Variants in PTPRT observed in about 807,000 individuals in gnomAD.
The protein encoded by PTPRT is protein tyrosine phosphatase receptor type T.
PTPRT carries 56 observed loss-of-function variants against 176.8 expected under a neutral mutation model. The observed-to-expected ratio is 0.32, with a 90% CI of 0.26 to 0.40. The LOEUF (loss-of-function observed/expected upper bound fraction) is 0.40, where lower values mean the gene tolerates loss of function less well. PTPRT is among the 10% of genes least tolerant of loss of function. PTPRT has a pLI of 1.00. For missense variants in PTPRT, 1,540 were observed against 1,908.2 expected, an observed-to-expected ratio of 0.81 and a Z score of 3.60; for synonymous variants, 783 against 739.0, an observed-to-expected ratio of 1.06 and a Z score of -0.96.
intron 9 of PTPRT, among the ~76,000 whole-genome samples, chr20:42,401,577 G>A (rs1298583807): frequency 6.6e-6 from 1 of 152,054 alleles, no homozygotes; most frequent in Middle Eastern, 3.2e-3. Context: ...AAGAACAAGT[G>A]AACAGAGAGC....
At chr20:42,628,358 CT>C (rs775823141) in intron 7 of PTPRT, among the ~76,000 whole-genome samples, 12 of 152,158 alleles carry the variant, frequency 7.9e-5, no homozygotes, top group Non-Finnish European at 1.6e-4. Context: ...CGCTATTGCT[CT>C]ATTCCACGTG....
the PTPRT span, among the ~76,000 whole-genome samples, chr20:42,039,620 C>A: frequency 6.8e-6 from 1 of 147,760 alleles, no homozygotes; most frequent in Non-Finnish European, 1.5e-5. Context: ...ACATAATGTC[C>A]TTCAGGTTCA....
intron 1 of PTPRT, among the ~76,000 whole-genome samples, chr20:42,936,083 C>T (rs900087453): frequency 1.3e-5 from 2 of 152,090 alleles, no homozygotes; most frequent in Non-Finnish European, 2.9e-5. Flanking sequence ...ACAAAACATA[C>T]AAAAATCCTT....
At position 42,926,333 on chromosome 20, in the gene PTPRT, G is replaced by A. The variant is rs142688800; in HGVS notation, c.89-40401C>T. On this transcript the variant is annotated intron_variant, in intron 1 of 30. Coordinates refer to ENST00000373187, the MANE Select transcript of PTPRT (RefSeq NM_007050.6). ...GATACTGCCCTCTCCCAGGTCACAGGCCCCAACAATGGGCTGCACTAGCTC... is the reference window on the plus strand; with the variant it reads ...GATACTGCCCTCTCCCAGGTCACAGACCCCAACAATGGGCTGCACTAGCTC... Among the ~76,000 whole-genome samples the A allele has an allele frequency of 2.5e-3, 385 of 152,272 alleles. 1 individual carries two copies. Among genetic ancestry groups the A allele is most frequent in the African/African-American group, 8.8e-3 (365 of 41,548 alleles).
At chr20:42,237,115 A>G (rs1163919860) in intron 14 of PTPRT, among the ~76,000 whole-genome samples, 1 of 152,178 alleles carries the variant, frequency 6.6e-6, no homozygotes, top group Non-Finnish European at 1.5e-5. Flanking sequence ...ACTTTCAGCC[A>G]ACCAAGTTAT....
In PTPRT at chr20:42,419,142, C is replaced by T. The variant is rs368195097; in HGVS notation, c.1560+29078G>A. ...ACAATGAGCCTGGTTTTCTCTGTGA[C>T]GACTTTTGTGTGTCCCTCTGATGCA... On this transcript the variant is annotated intron_variant, in intron 9 of 30. Transcript: ENST00000373187. Among the ~76,000 whole-genome samples, 25 of 152,176 alleles carry T rather than the reference C, an allele frequency of 1.6e-4. 1 individual carries two copies. The highest frequency in any genetic ancestry group is 4.8e-4 in the African/African-American group (20 of 41,452).
intron 16 of PTPRT, among the ~76,000 whole-genome samples, chr20:42,183,810 T>G (rs543649862): frequency 6.6e-6 from 1 of 152,312 alleles, no homozygotes; most frequent in African/African-American, 2.4e-5. Flanking sequence ...ACAGCAGAAG[T>G]GAAGCTGGCT....
At position 42,462,861 on chromosome 20, in the gene PTPRT, G is replaced by A. The variant is rs16986948; in HGVS notation, c.1450+9405C>T. Among the ~76,000 whole-genome samples, 1,329 of 152,274 alleles carry A rather than the reference G, an allele frequency of 8.7e-3. 9 individuals are homozygous for A. Among genetic ancestry groups the A allele is most frequent in the African/African-American group, 0.017 (704 of 41,546 alleles). On this transcript the variant is annotated intron_variant, in intron 8 of 30. Coordinates refer to ENST00000373187, the MANE Select transcript of PTPRT (RefSeq NM_007050.6). ...TTTCATGTGCTACAGCCTCTGTAGC[G>A]AGCCATTTTACAGATGGGGCACTGA... is the stretch of plus-strand genomic sequence containing the variant.
chr20:42,484,085 G>A (rs781007315), intron 7 of PTPRT, among the ~76,000 whole-genome samples: 15 of 152,148 alleles, frequency 9.9e-5, no homozygotes, highest in Non-Finnish European at 2.1e-4. Flanking sequence ...GGCAGTAGCT[G>A]CTCCCCACAG....
intron 1 of PTPRT, among the ~76,000 whole-genome samples, chr20:43,067,145 T>C (rs952423128): frequency 2.1e-4 from 32 of 152,172 alleles, no homozygotes; most frequent in Non-Finnish European, 2.9e-5. Flanking sequence ...TCTTCTGCCA[T>C]AAAAAGGAAG....
intron 6 of PTPRT, among the ~76,000 whole-genome samples, chr20:42,753,324 C>T (rs1290146146): frequency 6.6e-6 from 1 of 152,036 alleles, no homozygotes; most frequent in East Asian, 1.9e-4. Flanking sequence ...TACAGAGCTG[C>T]AATTAGGAAA....
intron 7 of PTPRT, among the ~76,000 whole-genome samples, chr20:42,513,155 C>T (rs1382190447): frequency 2.0e-5 from 3 of 151,644 alleles, no homozygotes; most frequent in Non-Finnish European, 4.4e-5. Context: ...CTACCATACC[C>T]GACCTAATGT....
intron 1 of PTPRT, among the ~76,000 whole-genome samples, chr20:42,961,630 C>G (rs1211004121): frequency 6.6e-6 from 1 of 152,120 alleles, no homozygotes; most frequent in Non-Finnish European, 1.5e-5. Flanking sequence ...CAACTGCCTT[C>G]TAAAGGAAGA....
chr20:42,231,833 A>G (rs190149324), intron 15 of PTPRT, among the ~76,000 whole-genome samples: 1 of 152,304 alleles, frequency 6.6e-6, no homozygotes. Context: ...AAAATTATTT[A>G]CTGTCTGGCT....
chr20:43,057,705 C>A (rs1987299587), intron 1 of PTPRT, among the ~76,000 whole-genome samples: 1 of 152,292 alleles, frequency 6.6e-6, no homozygotes, highest in African/African-American at 2.4e-5. Context: ...ACTTAGAATT[C>A]TTTAAAGTGA....
At chr20:42,956,848 G>C (rs1181985734) in intron 1 of PTPRT, among the ~76,000 whole-genome samples, 4 of 152,112 alleles carry the variant, frequency 2.6e-5, no homozygotes, top group African/African-American at 9.7e-5. Context: ...AGTGAATCTA[G>C]GAGGCACATA....
intron 7 of PTPRT, among the ~76,000 whole-genome samples, chr20:42,577,812 G>GA (rs2073288165): frequency 6.6e-6 from 1 of 150,868 alleles, no homozygotes; most frequent in South Asian, 2.2e-4. Context: ...CCAAACAAGA[G>GA]AAAAACCTTC....
Position 42,204,974 on chromosome 20 carries a change from CT to C in PTPRT, c.2343-5587del, listed in dbSNP as rs11472303. On this transcript the variant is annotated intron_variant, in intron 15 of 30. Transcript: ENST00000373187. Reference sequence around the variant, plus strand: ...TTGGCTTGATACAACGAAGGAATTTCTTTTTTTTTTTTTATTATACTTTTAG... The same window carrying C: ...TTGGCTTGATACAACGAAGGAATTTCTTTTTTTTTTTTATTATACTTTTAG... Among the ~76,000 whole-genome samples the C allele has an allele frequency of 7.1e-3, 985 of 138,768 alleles. 16 individuals are homozygous for C. Among genetic ancestry groups the C allele is most frequent in the Admixed American group, 0.038 (525 of 13,740 alleles). 91.0% of individuals were successfully genotyped at this position (138,768 alleles called of 152,430 possible).
intron 1 of PTPRT, among the ~76,000 whole-genome samples, chr20:42,984,726 C>T (rs576291543): frequency 4.3e-4 from 66 of 152,330 alleles, no homozygotes; most frequent in African/African-American, 1.6e-3. Context: ...AGTTCTTTAA[C>T]TTAACCAAGT....
Sources: gnomAD v4.1 joint callset for allele counts (sites outside exome capture counted in the v4.1 genomes callset) on GRCh38, gnomAD v4.1.1 for gene constraint, MANE v1.5 for transcripts, NCBI Gene and HGNC (gene_info 2026-07-23, HGNC 2026-07-21) for gene names.